NRXN1: variants seen among roughly 807,000 people sequenced by gnomAD.
NRXN1 encodes neurexin-1.
A neutral mutation model predicts 150.9 loss-of-function variants in NRXN1; 39 were observed. That is an observed-to-expected ratio of 0.26 (90% CI 0.20 to 0.34). The LOEUF (loss-of-function observed/expected upper bound fraction) is 0.34, where lower values mean the gene tolerates loss of function less well. Ranked by LOEUF, NRXN1 falls within the 10% of genes least tolerant of loss-of-function variation. NRXN1 has a pLI of 1.00. For missense variants in NRXN1, 1,815 were observed against 1,949.9 expected (o/e 0.93, Z 1.30); for synonymous variants, 924 against 757.0 (o/e 1.22, Z -3.62).
chr2:50,195,996 C>T (rs758919924), intron 18 of NRXN1, among the ~76,000 whole-genome samples: 2 of 151,802 alleles, frequency 1.3e-5, no homozygotes, highest in East Asian at 3.9e-4. Flanking sequence ...TTCTGGGGTA[C>T]ATGCACAGGA....
chr2:50,609,276 G>A (rs1342303263), intron 8 of NRXN1, among the ~76,000 whole-genome samples: 1 of 152,046 alleles, frequency 6.6e-6, no homozygotes, highest in Admixed American at 6.6e-5. Context: ...AGTGTAAAAT[G>A]AAAATGAGAA....
chr2:50,347,688 G>C lies in NRXN1; in HGVS notation c.3365-110718C>G. 1 of 987,322 alleles carries C rather than the reference G, an allele frequency of 1.0e-6. No homozygotes were observed. Among genetic ancestry groups the C allele is most frequent in the Non-Finnish European group, 1.2e-6 (1 of 831,124 alleles). The allele number at this position is 987,322 out of a possible 1,614,324, so 61.2% of individuals were successfully genotyped here. A position where few individuals can be genotyped will look rare whatever the true frequency, so the allele number is the denominator to read the frequency against. On this transcript the variant is annotated intron_variant, in intron 17 of 22. Transcript: ENST00000401669. The surrounding 1 kb of genome is among the most constrained non-coding windows in gnomAD (Gnocchi z 4.9). ...GTGGGAATCGAACGGCGGAAAGGCA[G>C]CTGAGAAGAAGATGCAGACGAAGGA...
At chr2:50,278,040 C>T in intron 17 of NRXN1, among the ~76,000 whole-genome samples, 1 of 140,848 alleles carries the variant, frequency 7.1e-6, no homozygotes. Flanking sequence ...ATAGATAGTG[C>T]TTTCTTATCT....
chr2:50,021,830 C>A (rs1450993472), intron 21 of NRXN1, among the ~76,000 whole-genome samples: 1 of 152,148 alleles, frequency 6.6e-6, no homozygotes, highest in Non-Finnish European at 1.5e-5. Flanking sequence ...ACCATGGCTA[C>A]AACATATATG....
At position 50,236,935 on chromosome 2, in the gene NRXN1, G is replaced by T. The variant is rs558480156; in HGVS notation, c.3400C>A (p.Gln1134Lys). Residue 1134 changes from glutamine to lysine, a missense_variant, in exon 18 of 23, where the codon CAA becomes AAA. Physicochemically the swap from Gln to Lys is moderately conservative, Grantham distance 53. Around this residue, in one of 6 missense-constraint regions of NRXN1, gnomAD observed 339 missense variants for 440.3 expected, o/e 0.77. Transcript: ENST00000401669. Reference sequence around the variant, plus strand: ...TTAGGAGGCCACTTATACGTGATTTGTCCACCACCTTTGCTAAAGATATAT... The same window carrying T: ...TTAGGAGGCCACTTATACGTGATTTTTCCACCACCTTTGCTAAAGATATAT... ...TTYIFSKGGG[Q>K]ITYKWPPNDR... 3 of 1,613,256 alleles carry T rather than the reference G, an allele frequency of 1.9e-6. No homozygotes were observed. Among genetic ancestry groups the T allele is most frequent in the Admixed American group, 1.7e-5 (1 of 59,914 alleles).
intron 17 of NRXN1, among the ~76,000 whole-genome samples, chr2:50,369,083 TCGC>T (rs1186709168): frequency 2.0e-5 from 3 of 151,904 alleles, no homozygotes; most frequent in Non-Finnish European, 4.4e-5. Flanking sequence ...AAATAACTCA[TCGC>T]CAAGTACCTT....
intron 18 of NRXN1, among the ~76,000 whole-genome samples, chr2:50,136,203 T>C (rs955988018): frequency 1.3e-5 from 2 of 152,196 alleles, no homozygotes; most frequent in African/African-American, 2.4e-5. Context: ...AGGGAGAGCA[T>C]ATTCATTTTT....
intron 18 of NRXN1, among the ~76,000 whole-genome samples, chr2:50,165,436 C>A (rs374842644): frequency 6.6e-6 from 1 of 152,200 alleles, no homozygotes; most frequent in East Asian, 1.9e-4. Flanking sequence ...GCAACCTCCG[C>A]CTGCCGAGTT....
chr2:50,427,398 C>T (rs891397078), intron 17 of NRXN1, among the ~76,000 whole-genome samples: 3 of 149,258 alleles, frequency 2.0e-5, no homozygotes, highest in East Asian at 2.0e-4. Context: ...ATTCTGACAA[C>T]TCATCCATAT....
intron 17 of NRXN1, among the ~76,000 whole-genome samples, chr2:50,251,025 G>C (rs1191752345): frequency 1.5e-5 from 2 of 136,012 alleles, no homozygotes; most frequent in East Asian, 4.2e-4. Context: ...ATTACATATT[G>C]TATATGTAAT....
chr2:50,265,999 T>TTATTATTA (rs1484638196), intron 17 of NRXN1, among the ~76,000 whole-genome samples: 1 of 46,828 alleles, frequency 2.1e-5, no homozygotes, highest in African/African-American at 9.5e-5. Context: ...ATTATTATTA[T>TTATTATTA]TTATTTTTTT....
At chr2:50,562,992 C>T (rs1028520320) in intron 8 of NRXN1, among the ~76,000 whole-genome samples, 14 of 151,972 alleles carry the variant, frequency 9.2e-5, no homozygotes, top group Middle Eastern at 3.2e-3. Context: ...TAATTTCGCA[C>T]GTTTTTTCCT....
intron 17 of NRXN1, among the ~76,000 whole-genome samples, chr2:50,460,464 T>G (rs1520458): frequency 0.51 from 77,813 of 151,722 alleles, 22,691 homozygotes; most frequent in East Asian, 0.91. Context: ...CCCTTTTTTG[T>G]TGTTTTTCTC....
intron 5 of NRXN1, among the ~76,000 whole-genome samples, chr2:50,634,034 T>G (rs577514440): frequency 1.3e-5 from 2 of 152,104 alleles, no homozygotes; most frequent in Non-Finnish European, 2.9e-5. Flanking sequence ...CCAGTGAGCA[T>G]TGAGCACAGT....
At chr2:50,110,299 T>A (rs1172756786) in intron 18 of NRXN1, among the ~76,000 whole-genome samples, 2 of 151,724 alleles carry the variant, frequency 1.3e-5, no homozygotes, top group Admixed American at 6.6e-5. Context: ...GACCATCCTG[T>A]CTAACACGGT....
At chr2:50,933,123 T>A (rs1406394515) in intron 2 of NRXN1, among the ~76,000 whole-genome samples, 1 of 152,164 alleles carries the variant, frequency 6.6e-6, no homozygotes, top group Non-Finnish European at 1.5e-5. Flanking sequence ...GGTTTATAAA[T>A]GTGTTTACCC....
At chr2:50,171,206 A>C (rs778767623) in intron 18 of NRXN1, among the ~76,000 whole-genome samples, 1 of 150,976 alleles carries the variant, frequency 6.6e-6, no homozygotes, top group Non-Finnish European at 1.5e-5. Flanking sequence ...GTGGACCTGT[A>C]CAGTTCAATC....
At chr2:50,732,459 A>G (rs964306594) in intron 5 of NRXN1, among the ~76,000 whole-genome samples, 3 of 152,198 alleles carry the variant, frequency 2.0e-5, no homozygotes, top group African/African-American at 7.2e-5. Flanking sequence ...GTAACCAAGC[A>G]AAGCAATGCG....
intron 5 of NRXN1, among the ~76,000 whole-genome samples, chr2:50,875,473 A>C (rs2106120757): frequency 6.6e-6 from 1 of 151,616 alleles, no homozygotes; most frequent in African/African-American, 2.4e-5. Flanking sequence ...TACTATTCTT[A>C]TTACTATATA....
Sources: gnomAD v4.1 joint callset for allele counts (sites outside exome capture counted in the v4.1 genomes callset) on GRCh38, gnomAD v4.1.1 for gene constraint, gnomAD v4.1.1 regional missense constraint, Gnocchi (gnomAD v3.1) non-coding constraint, MANE v1.5 for transcripts, NCBI Gene and HGNC (gene_info 2026-07-23, HGNC 2026-07-21) for gene names.